The following EEIG1 variants were observed in gnomAD, a reference collection of about 807,000 sequenced individuals.
EEIG1 encodes the protein early estrogen-induced gene 1 protein.
the EEIG1 span, chr9:127,980,075 C>T: frequency 5.0e-6 from 8 of 1,614,010 alleles, no homozygotes; most frequent in Non-Finnish European, 6.8e-6. Context: ...GAACCGCAGT[C>T]AGCTCCTCCA....
chr9:127,959,916 G>A, the EEIG1 span, among the ~76,000 whole-genome samples: 1,600 of 152,302 alleles, frequency 0.011, 26 homozygotes, highest in African/African-American at 0.036. Flanking sequence ...CTGGGGTGAT[G>A]AAAATGTTCT....
the EEIG1 span, among the ~76,000 whole-genome samples, chr9:127,965,148 A>G: frequency 7.1e-6 from 1 of 140,768 alleles, no homozygotes. Context: ...AAAAAAAACC[A>G]AAAACCAAAA....
the EEIG1 span, chr9:127,948,317 G>A: frequency 3.1e-6 from 5 of 1,613,100 alleles, no homozygotes; most frequent in Admixed American, 8.3e-5. Flanking sequence ...TCCACCCCTA[G>A]TGCCCGGGAC....
chr9:127,963,736 G>A, the EEIG1 span: 4 of 152,280 alleles, frequency 2.6e-5, no homozygotes, highest in Admixed American at 1.3e-4. Context: ...ATCCCAAATC[G>A]GACCGGGACC....
chr9:127,960,622 G>A, the EEIG1 span, among the ~76,000 whole-genome samples: 14,644 of 152,228 alleles, frequency 0.096, 759 homozygotes, highest in African/African-American at 0.11. Flanking sequence ...GAGGCAGCTC[G>A]GTGCTCTGGG....
the EEIG1 span, among the ~76,000 whole-genome samples, chr9:127,966,413 G>C: frequency 2.0e-5 from 3 of 150,194 alleles, no homozygotes; most frequent in African/African-American, 7.4e-5. Flanking sequence ...TTCAAGACCA[G>C]CCTGGGCAAC....
chr9:127,945,448 T>C, the EEIG1 span: 1 of 1,563,872 alleles, frequency 6.4e-7, no homozygotes, highest in Non-Finnish European at 8.7e-7. The surrounding 1 kb of genome is among the most constrained non-coding windows in gnomAD (Gnocchi z 6.5). Flanking sequence ...CTCACTGCCC[T>C]CAGGGCCCTC....
At chr9:127,959,259 A>G in the EEIG1 span, among the ~76,000 whole-genome samples, 1 of 152,264 alleles carries the variant, frequency 6.6e-6, no homozygotes, top group Admixed American at 6.5e-5. Context: ...ATGTCCATCA[A>G]CTGGTAAATG....
the EEIG1 span, among the ~76,000 whole-genome samples, chr9:127,948,678 C>A: frequency 6.6e-6 from 1 of 152,210 alleles, no homozygotes; most frequent in African/African-American, 2.4e-5. Context: ...CTCAGCCCTG[C>A]GCCTGGCAGA....
the EEIG1 span, chr9:127,948,237 A>T: frequency 6.2e-7 from 1 of 1,613,766 alleles, no homozygotes. Context: ...TTGGGAAGAC[A>T]GACAGGTGTG....
At chr9:127,951,814 C>CAAAAAAAAA in the EEIG1 span, among the ~76,000 whole-genome samples, 1 of 109,246 alleles carries the variant, frequency 9.2e-6, no homozygotes, top group Admixed American at 9.7e-5. Flanking sequence ...GACTCCATCT[C>CAAAAAAAAA]AAAAAAAAAA....
the EEIG1 span, among the ~76,000 whole-genome samples, chr9:127,967,216 G>GA: frequency 6.6e-6 from 1 of 152,156 alleles, no homozygotes; most frequent in Non-Finnish European, 1.5e-5. Flanking sequence ...GGAGAAGTGG[G>GA]AAAAGGCCCC....
the EEIG1 span, among the ~76,000 whole-genome samples, chr9:127,960,383 T>A: frequency 6.6e-6 from 1 of 151,954 alleles, no homozygotes; most frequent in African/African-American, 2.4e-5. Context: ...ACCTCAAGGG[T>A]GTGAGAAGAC....
the EEIG1 span, among the ~76,000 whole-genome samples, chr9:127,961,441 C>G: frequency 6.6e-6 from 1 of 152,216 alleles, no homozygotes; most frequent in East Asian, 1.9e-4. Flanking sequence ...CTGGCCAGGT[C>G]AGGACTGAGG....
the EEIG1 span, chr9:127,948,349 G>C: frequency 1.2e-6 from 2 of 1,614,028 alleles, no homozygotes; most frequent in Admixed American, 1.7e-5. Context: ...CCGCTCCCTA[G>C]GCCTGTGCCA....
the EEIG1 span, among the ~76,000 whole-genome samples, chr9:127,979,112 A>G: frequency 6.6e-6 from 1 of 152,162 alleles, no homozygotes; most frequent in Non-Finnish European, 1.5e-5. Context: ...AGGCCTCCCA[A>G]AGTGCTGGGA....
the EEIG1 span, among the ~76,000 whole-genome samples, chr9:127,978,294 G>A: frequency 2.0e-5 from 3 of 152,150 alleles, no homozygotes; most frequent in Admixed American, 1.3e-4. Context: ...CCAAACCAGC[G>A]AAGTTCAGTT....
chr9:127,963,928 C>T, the EEIG1 span, among the ~76,000 whole-genome samples: 3 of 152,168 alleles, frequency 2.0e-5, no homozygotes, highest in Non-Finnish European at 4.4e-5. Flanking sequence ...ACAGAGCAGG[C>T]TGGGGGCAGG....
At chr9:127,979,894 T>C in the EEIG1 span, 1 of 1,409,164 alleles carries the variant, frequency 7.1e-7, no homozygotes, top group Non-Finnish European at 9.5e-7. Flanking sequence ...CCCCGGATCC[T>C]CCTCACACCG....
Sources: allele counts gnomAD v4.1 joint callset (sites outside exome capture counted in the v4.1 genomes callset), GRCh38; gene constraint gnomAD v4.1.1; non-coding constraint Gnocchi (gnomAD v3.1); transcripts MANE v1.5; gene names NCBI Gene and HGNC (gene_info 2026-07-23, HGNC 2026-07-21).